The following IL6ST variants were observed in gnomAD, a reference collection of about 807,000 sequenced individuals.
The protein encoded by IL6ST is interleukin 6 cytokine family signal transducer.
Under a neutral mutation model 91.3 loss-of-function variants are expected in IL6ST, and 24 were observed. The ratio of observed to expected loss-of-function variants is 0.26; its 90% confidence interval spans 0.19 to 0.37. The LOEUF (loss-of-function observed/expected upper bound fraction) is 0.37, where lower values mean the gene tolerates loss of function less well. Among genes scored for constraint, IL6ST ranks in the 10% least tolerant of loss-of-function variants. IL6ST has a pLI of 1.00. For missense variants in IL6ST, 914 were observed against 1,078.5 expected (o/e 0.85, Z 2.14); for synonymous variants, 351 against 373.6 (o/e 0.94, Z 0.70).
At position 55,941,025 on chromosome 5, in the gene IL6ST, T is replaced by C; in HGVS notation, c.*57A>G. 2 of 1,483,094 alleles carry C rather than the reference T, an allele frequency of 1.3e-6. No homozygotes were observed. The highest frequency in any genetic ancestry group is 1.8e-6 in the Non-Finnish European group (2 of 1,102,256). 91.9% of individuals were successfully genotyped at this position (1,483,094 alleles called of 1,614,324 possible). On this transcript the variant is annotated 3_prime_UTR_variant, in exon 17 of 17. Coordinates refer to ENST00000381298, the MANE Select transcript of IL6ST (RefSeq NM_002184.4). ...TTAAAATCTGAATTCACAGATAAAA[T>C]CATTTTAGCTTTACTTTATAGGTAC...
chr5:55,954,866 G>A lies in IL6ST; in HGVS notation c.1394C>T (p.Pro465Leu). Residue 465 changes from proline to leucine, a missense_variant, in exon 11 of 17, where the codon CCC becomes CTC. Physicochemically the swap from Pro to Leu is moderately conservative, Grantham distance 98. Transcript: ENST00000381298. ...TTCTTGTTGCCAGTCTGTGATACAG[G>A]GTGCTTTATCTGATAACACACACCA... ...LEWCVLSDKA[P>L]CITDWQQEDG... The A allele has an allele frequency of 6.2e-7, 1 of 1,613,388 alleles. No homozygotes were observed. The highest frequency in any genetic ancestry group is 2.2e-5 in the East Asian group (1 of 44,848).
At chr5:55,981,309 A>G (rs568022577) in intron 2 of IL6ST, among the ~76,000 whole-genome samples, 1 of 152,334 alleles carries the variant, frequency 6.6e-6, no homozygotes, top group Admixed American at 6.5e-5. Flanking sequence ...ATAAAATATT[A>G]TATGCAATAC....
At chr5:55,954,782 C>A (rs2111700932) in intron 11 of IL6ST, 28 bp downstream of exon 11, 1 of 1,526,044 alleles carries the variant, frequency 6.6e-7, no homozygotes, top group South Asian at 1.3e-5. Context: ...AAAAGGATAT[C>A]AATTTAGATG....
chr5:55,951,695 A>G lies in IL6ST; in HGVS notation c.1700-91T>C. On this transcript the variant is annotated intron_variant, in intron 13 of 16. Coordinates refer to ENST00000381298, the MANE Select transcript of IL6ST (RefSeq NM_002184.4). The stretch of plus-strand genomic sequence containing the variant: ...GGCATTGTGAAAGTGTTAAAAAAGA[A>G]GCGAAGTATTTTTGTTGGAAAACAA... 6 of 1,287,862 alleles carry G rather than the reference A, an allele frequency of 4.7e-6. No homozygotes were observed. In the South Asian group the frequency reaches 8.5e-5, roughly 18 times the overall value. 79.8% of individuals were successfully genotyped at this position (1,287,862 alleles called of 1,614,324 possible).
rs1750511073 is a variant in IL6ST at position 55,936,155 on chromosome 5, G to T, written c.*4927C>A. 1 of 226,876 alleles carries T rather than the reference G, an allele frequency of 4.4e-6. No individual in the cohort carries two copies. Among genetic ancestry groups the T allele is most frequent in the Non-Finnish European group, 8.8e-6 (1 of 114,168 alleles). 14.1% of individuals were successfully genotyped at this position (226,876 alleles called of 1,614,324 possible). On this transcript the variant is annotated 3_prime_UTR_variant, in exon 17 of 17. Coordinates refer to ENST00000381298, the MANE Select transcript of IL6ST (RefSeq NM_002184.4). The stretch of plus-strand genomic sequence containing the variant: ...TTTTCTTTTCCTTCCAGGTGGACTT[G>T]CTGACTGATTAGTTTCATATACTAC...
intron 7 of IL6ST, among the ~76,000 whole-genome samples, chr5:55,961,887 AG>A (rs1752339017): frequency 6.6e-6 from 1 of 152,204 alleles, no homozygotes; most frequent in Non-Finnish European, 1.5e-5. Flanking sequence ...CAAGGAAGCT[AG>A]AAAGAATGGA....
At position 55,980,629 on chromosome 5, in the gene IL6ST, G is replaced by A. The variant is rs1020423408; in HGVS notation, c.-16+2095C>T. On this transcript the variant is annotated intron_variant, in intron 2 of 16. Transcript: ENST00000381298. ...TCACCAACTGGGTGACAGTTCAATC[G>A]TACTCCAAACCTCAGCATCACACAA... is the stretch of plus-strand genomic sequence containing the variant. Among the ~76,000 whole-genome samples the A allele has an allele frequency of 2.0e-5, 3 of 152,204 alleles. No individual in the cohort carries two copies. The East Asian group carries it at 5.8e-4, about 29-fold the overall frequency.
chr5:55,980,963 G>A (rs1008345739), intron 2 of IL6ST, among the ~76,000 whole-genome samples: 1 of 152,190 alleles, frequency 6.6e-6, no homozygotes, highest in African/African-American at 2.4e-5. Flanking sequence ...CTCCTGGTCT[G>A]AAGCAATCCT....
At chr5:55,983,778 A>G (rs1308334498) in intron 1 of IL6ST, among the ~76,000 whole-genome samples, 2 of 152,202 alleles carry the variant, frequency 1.3e-5, no homozygotes, top group East Asian at 3.8e-4. Flanking sequence ...AAAATTTTTT[A>G]TACATGTATT....
intron 1 of IL6ST, among the ~76,000 whole-genome samples, chr5:55,990,285 A>C (rs577465771): frequency 6.7e-6 from 1 of 150,204 alleles, no homozygotes; most frequent in Non-Finnish European, 1.5e-5. Flanking sequence ...AAAGTTTAAA[A>C]AAAAAAGAAG....
At chr5:55,982,832 T>G (rs1753741251) in intron 1 of IL6ST, 21 bp from the exon 2 acceptor site, 1 of 398,134 alleles carries the variant, frequency 2.5e-6, no homozygotes, top group African/African-American at 2.1e-5. Context: ...AGGAGAGTCT[T>G]GTTCAGAAGG....
At chr5:55,958,732 T>C (rs1191959567) in intron 8 of IL6ST, among the ~76,000 whole-genome samples, 1 of 150,082 alleles carries the variant, frequency 6.7e-6, no homozygotes, top group African/African-American at 2.5e-5. Context: ...CCAGCTATGT[T>C]GGGGGCTGAG....
At chr5:55,991,319 T>C (rs1754316918) in intron 1 of IL6ST, among the ~76,000 whole-genome samples, 2 of 152,312 alleles carry the variant, frequency 1.3e-5, no homozygotes, top group East Asian at 3.9e-4. Flanking sequence ...TTTTTCCCTA[T>C]CTACAAACAA....
intron 1 of IL6ST, among the ~76,000 whole-genome samples, chr5:55,983,850 A>C (rs1753800025): frequency 1.3e-5 from 2 of 152,314 alleles, no homozygotes; most frequent in Middle Eastern, 3.4e-3. Context: ...GGATCATGTA[A>C]GTGAGAAATG....
rs1754559330 is a variant in IL6ST, at chr5:55,994,797, G to A, written c.-117C>T. On this transcript the variant is annotated 5_prime_UTR_variant, in exon 1 of 17. Coordinates refer to ENST00000381298, the MANE Select transcript of IL6ST (RefSeq NM_002184.4). ...GCCCCTCCTCACCTCAGGCCGCGCC[G>A]CCTCGACCCTCCGCGTCTCCACAGC... 1 of 152,632 alleles carries A rather than the reference G, an allele frequency of 6.6e-6. No homozygotes were observed. The highest frequency in any genetic ancestry group is 1.5e-5 in the Non-Finnish European group (1 of 68,384). The allele number at this position is 152,632 out of a possible 1,614,324, so 9.5% of individuals were successfully genotyped here.
In IL6ST at chr5:55,940,453, A is replaced by C. The variant is rs1750831431; in HGVS notation, c.*629T>G. On this transcript the variant is annotated 3_prime_UTR_variant, in exon 17 of 17. Coordinates refer to ENST00000381298, the MANE Select transcript of IL6ST (RefSeq NM_002184.4). ...ATGAGTACTTTTAATCTGCCAAGTT[A>C]AAGCTCTAGAATTCCTTTTCTCCAG... 2 of 210,342 alleles carry C rather than the reference A, an allele frequency of 9.5e-6. No homozygotes were observed. Among genetic ancestry groups the C allele is most frequent in the African/African-American group, 4.5e-5 (2 of 44,198 alleles). 13.0% of individuals were successfully genotyped at this position (210,342 alleles called of 1,614,324 possible).
chr5:55,952,893 T>A (rs1751727715), intron 11 of IL6ST, among the ~76,000 whole-genome samples: 1 of 152,066 alleles, frequency 6.6e-6, no homozygotes, highest in African/African-American at 2.4e-5. Flanking sequence ...GAAACCCCCC[T>A]TTACTGAAAA....
Position 55,954,837 on chromosome 5 carries a change from C to A in IL6ST, c.1423G>T (p.Gly475Cys). 1 of 1,612,222 alleles carries A rather than the reference C, an allele frequency of 6.2e-7. No individual in the cohort carries two copies. Among genetic ancestry groups the A allele is most frequent in the Non-Finnish European group, 8.5e-7 (1 of 1,179,298 alleles). Residue 475 changes from glycine to cysteine, a missense_variant, in exon 11 of 17, where the codon GGT becomes TGT. Gly to Cys is a radical substitution (Grantham distance 159, BLOSUM62 -3). Coordinates refer to ENST00000381298, the MANE Select transcript of IL6ST (RefSeq NM_002184.4). The stretch of plus-strand genomic sequence containing the variant: ...CTTAAATAGGTGCGATGCACGGTAC[C>A]ATCTTCTTGTTGCCAGTCTGTGATA... Reference protein sequence around the residue: ...PCITDWQQEDGTVHRTYLRGN... With the variant: ...PCITDWQQEDCTVHRTYLRGN...
At chr5:55,975,212 G>A (rs1462253524) in intron 3 of IL6ST, among the ~76,000 whole-genome samples, 2 of 152,148 alleles carry the variant, frequency 1.3e-5, no homozygotes, top group Non-Finnish European at 2.9e-5. Context: ...TGGTGGAGAG[G>A]TGATTAAATC....
Sources: allele counts gnomAD v4.1 joint callset (sites outside exome capture counted in the v4.1 genomes callset), GRCh38; gene constraint gnomAD v4.1.1; transcripts MANE v1.5; gene names NCBI Gene and HGNC (gene_info 2026-07-23, HGNC 2026-07-21).